Variants in UBOX5 observed in about 807,000 individuals in gnomAD.
UBOX5 encodes RING finger protein 37.
In UBOX5, 28 loss-of-function variants were observed where a neutral mutation model predicts 39.0. That is an observed-to-expected ratio of 0.72 (90% CI 0.53 to 0.98). UBOX5 has a LOEUF of 0.98. Among genes scored for constraint, UBOX5 ranks in the 50% least tolerant of loss-of-function variants. The pLI, the probability that UBOX5 is intolerant of heterozygous loss-of-function variation, is 0.00. For synonymous variants in UBOX5, 283 were observed against 275.5 expected (o/e 1.03, Z -0.27); for missense variants, 585 against 674.4 (o/e 0.87, Z 1.47).
At position 3,122,595 on chromosome 20, in the gene UBOX5, T is replaced by TA; in HGVS notation, c.55-12dup. ...ACCATCAGCTGATATCTAGATTTAA[T>TA]AAAAAACACAAGATACAATGATCCA... On this transcript the variant is annotated splice_polypyrimidine_tract_variant and intron_variant, in intron 2 of 4. Transcript: ENST00000217173. 6.5e-7 allele frequency: 1 copy of TA among 1,546,454 alleles called. No individual in the cohort carries two copies. Among genetic ancestry groups the TA allele is most frequent in the Non-Finnish European group, 8.7e-7 (1 of 1,147,330 alleles).
At chr20:3,117,619 G>A (rs947481637) in intron 3 of UBOX5, among the ~76,000 whole-genome samples, 1 of 152,214 alleles carries the variant, frequency 6.6e-6, no homozygotes, top group Non-Finnish European at 1.5e-5. Context: ...AGGAGGCAGA[G>A]GTTGCAGTGA....
intron 1 of UBOX5, among the ~76,000 whole-genome samples, chr20:3,150,049 T>C (rs1435424142): frequency 7.2e-5 from 11 of 151,868 alleles, no homozygotes; most frequent in Admixed American, 7.2e-4. Context: ...TAATTAGTTA[T>C]ACCTACGATA....
At chr20:3,139,633 TAA>T (rs1441299181) in intron 1 of UBOX5, among the ~76,000 whole-genome samples, 1 of 151,958 alleles carries the variant, frequency 6.6e-6, no homozygotes, top group Non-Finnish European at 1.5e-5. Flanking sequence ...AGCCTGGTCT[TAA>T]ACTCCTGACC....
intron 1 of UBOX5, chr20:3,151,706 A>G (rs1555765082): frequency 4.6e-5 from 7 of 152,132 alleles, no homozygotes; most frequent in Middle Eastern, 3.4e-3. Context: ...GTACTAAAAT[A>G]ATGTTTTTCT....
chr20:3,146,244 G>A (rs2066560974), intron 1 of UBOX5, among the ~76,000 whole-genome samples: 1 of 151,820 alleles, frequency 6.6e-6, no homozygotes, highest in Admixed American at 6.6e-5. Flanking sequence ...GGGAGGATGA[G>A]GCAGGAGAAT....
chr20:3,111,322 T>C (rs2066252212), intron 4 of UBOX5, among the ~76,000 whole-genome samples: 1 of 152,148 alleles, frequency 6.6e-6, no homozygotes, highest in Non-Finnish European at 1.5e-5. Flanking sequence ...CTTCTCTCTG[T>C]CCATTTCATC....
intron 1 of UBOX5, chr20:3,148,563 G>C: frequency 6.2e-7 from 1 of 1,614,132 alleles, no homozygotes; most frequent in Non-Finnish European, 8.5e-7. Flanking sequence ...AAAGAGCTCA[G>C]CTTACACAAA....
rs568593154 is a variant in UBOX5 at position 3,115,206 on chromosome 20, G to C, written c.1417+99C>G. On this transcript the variant is annotated intron_variant, in intron 4 of 4. Transcript: ENST00000217173. ...TGGAACTGACGGGGAGGCTGGCCAG[G>C]CAGGTCCACAGAGCCCCCAGGGACT... is the stretch of plus-strand genomic sequence containing the variant. The C allele has an allele frequency of 2.8e-6, 4 of 1,422,396 alleles. No homozygotes were observed. In the South Asian group the frequency reaches 4.5e-5, roughly 16 times the overall value. 88.1% of individuals were successfully genotyped at this position (1,422,396 alleles called of 1,614,324 possible).
intron 1 of UBOX5, chr20:3,148,318 C>T: frequency 6.2e-7 from 1 of 1,613,958 alleles, no homozygotes; most frequent in Non-Finnish European, 8.5e-7. Context: ...CTAAGTACCT[C>T]CAGAGATCAG....
chr20:3,147,403 C>T, intron 1 of UBOX5: 2 of 1,614,210 alleles, frequency 1.2e-6, no homozygotes, highest in Non-Finnish European at 1.7e-6. Context: ...AGAATTCAGG[C>T]TTTGAATTCA....
At chr20:3,125,807 G>A (rs180743311) in intron 1 of UBOX5, among the ~76,000 whole-genome samples, 13,547 of 142,252 alleles carry the variant, frequency 0.095, 669 homozygotes, top group Middle Eastern at 0.14. Flanking sequence ...CCGCCACCCC[G>A]TCTGGGAAGT....
chr20:3,147,086 G>C, intron 1 of UBOX5: 1 of 1,614,100 alleles, frequency 6.2e-7, no homozygotes, highest in Non-Finnish European at 8.5e-7. Context: ...CAGAGGTACA[G>C]CTGCCTTATT....
Position 3,121,893 on chromosome 20 carries a change from A to T in UBOX5, c.746T>A (p.Leu249Gln). 6.2e-7 allele frequency: 1 copy of T among 1,613,944 alleles called. No homozygotes were observed. Reference protein sequence around the residue: ...QPESQQAPSSLQKLAEIIQDV... With the variant: ...QPESQQAPSSQQKLAEIIQDV... ...CTGAATGATCTCGGCCAGCTTCTGC[A>T]GGCTGGAGGGAGCCTGCTGGCTCTC... The change falls in exon 3 of 5, where the codon CTG becomes CAG. Residue 249 changes from leucine (L) to glutamine (Q), a missense_variant. Leu to Gln is a moderately radical substitution (Grantham distance 113). Coordinates refer to ENST00000217173, the MANE Select transcript of UBOX5 (RefSeq NM_014948.4).
At chr20:3,119,031 G>A (rs1186294415) in intron 3 of UBOX5, among the ~76,000 whole-genome samples, 1 of 152,116 alleles carries the variant, frequency 6.6e-6, no homozygotes, top group Admixed American at 6.6e-5. Flanking sequence ...ATATGAAGAT[G>A]GAGGCTAAGA....
chr20:3,136,388 C>CT (rs1228142243), intron 1 of UBOX5, among the ~76,000 whole-genome samples: 2 of 152,162 alleles, frequency 1.3e-5, no homozygotes, highest in African/African-American at 4.8e-5. Context: ...GAGTCTCTCT[C>CT]TGTCACCTAG....
intron 1 of UBOX5, among the ~76,000 whole-genome samples, chr20:3,127,181 C>T (rs1681169121): frequency 6.6e-6 from 1 of 152,060 alleles, no homozygotes; most frequent in Non-Finnish European, 1.5e-5. Context: ...TCCAGTGGAA[C>T]TCAACTCCTT....
At chr20:3,155,486 G>A (rs1006104404) in intron 1 of UBOX5, among the ~76,000 whole-genome samples, 5 of 151,998 alleles carry the variant, frequency 3.3e-5, no homozygotes, top group Non-Finnish European at 5.9e-5. Flanking sequence ...AGGCGAGGTC[G>A]CACCACTGCA....
At position 3,142,260 on chromosome 20, in the gene UBOX5, G is replaced by C. The variant is rs1462026788; in HGVS notation, c.-42+17506C>G. 2.7e-5 allele frequency among the ~76,000 whole-genome samples: 4 copies of C among 150,716 alleles called. No homozygotes were observed. The East Asian group carries it at 7.8e-4, about 30-fold the overall frequency. Reference sequence around the variant, plus strand: ...GCAGATCACTTGAGGCCAGGAGTTCGAGACCAGCCTGGGCAACATGGTGAA... The same window carrying C: ...GCAGATCACTTGAGGCCAGGAGTTCCAGACCAGCCTGGGCAACATGGTGAA... On this transcript the variant is annotated intron_variant, in intron 1 of 4. Transcript: ENST00000217173.
intron 1 of UBOX5, among the ~76,000 whole-genome samples, chr20:3,131,766 T>C (rs2066430496): frequency 6.6e-6 from 1 of 152,072 alleles, no homozygotes; most frequent in Non-Finnish European, 1.5e-5. Flanking sequence ...CCCAGCACTT[T>C]GGGAGGCAAA....
Sources: allele counts gnomAD v4.1 joint callset (sites outside exome capture counted in the v4.1 genomes callset), GRCh38; gene constraint gnomAD v4.1.1; transcripts MANE v1.5; gene names NCBI Gene and HGNC (gene_info 2026-07-23, HGNC 2026-07-21).